Variants in HERC2 observed in about 807,000 individuals in gnomAD.
HERC2 encodes the protein HECT and RLD domain containing E3 ubiquitin protein ligase 2.
HERC2 carries 102 observed loss-of-function variants against 537.7 expected under a neutral mutation model. The ratio of observed to expected loss-of-function variants is 0.19; its 90% CI spans 0.16 to 0.22. HERC2 has a LOEUF of 0.22. HERC2 is among the 10% of genes least tolerant of loss of function. The probability of loss-of-function intolerance (pLI) is 1.00; values close to 1 mark genes in which losing one functional copy is unlikely to be tolerated. For synonymous variants in HERC2, 2,224 were observed against 2,466.2 expected (o/e 0.90, Z 2.91); for missense variants, 4,236 against 6,198.2 (o/e 0.68, Z 10.63).
Position 28,237,057 on chromosome 15 carries a change from T to C in HERC2, c.3909A>G (p.Ile1303Met). 1 of 1,601,834 alleles carries C rather than the reference T, an allele frequency of 6.2e-7. No homozygotes were observed. The highest frequency in any genetic ancestry group is 8.5e-7 in the Non-Finnish European group (1 of 1,170,574). Reference sequence around the variant, plus strand: ...GCAGGCCCAGATTCCTCTCTGTGTCTATCAGAGGTGAAGAGAGACTCCCCA... The same window carrying C: ...GCAGGCCCAGATTCCTCTCTGTGTCCATCAGAGGTGAAGAGAGACTCCCCA... ...PDLGSLSSPL[I>M]DTERNLGLLL... Residue 1303 changes from isoleucine (I) to methionine (M), a missense_variant, in exon 26 of 93, where the codon ATA becomes ATG. By Grantham distance (10) the Ile-to-Met change is conservative. Around this residue, in one of 27 missense-constraint regions of HERC2, gnomAD observed 754 missense variants for 1,085.0 expected, o/e 0.69. Coordinates refer to ENST00000261609, the MANE Select transcript of HERC2 (RefSeq NM_004667.6).
At position 28,202,406 on chromosome 15, in the gene HERC2, T is replaced by A. The variant is rs749273076; in HGVS notation, c.7421A>T (p.Asn2474Ile). 6 of 1,612,150 alleles carry A rather than the reference T, an allele frequency of 3.7e-6. No individual in the cohort carries two copies. The South Asian group carries it at 6.6e-5, about 18-fold the overall frequency. The stretch of plus-strand genomic sequence containing the variant: ...GAGAGACTTCAGGGCAAACTCGATG[T>A]TCCTTCTGGAAAATCCCATCTCCAT... ...QLMEMGFSRR[N>I]IEFALKSLTG... Residue 2474 changes from asparagine to isoleucine, a missense_variant, in exon 46 of 93, where the codon AAC becomes ATC. Around this residue, in one of 27 missense-constraint regions of HERC2, gnomAD observed 606 missense variants for 884.5 expected, o/e 0.69. Coordinates refer to ENST00000261609, the MANE Select transcript of HERC2 (RefSeq NM_004667.6).
intron 4 of HERC2, among the ~76,000 whole-genome samples, chr15:28,292,428 G>A (rs931865767): frequency 1.3e-5 from 2 of 152,128 alleles, no homozygotes; most frequent in African/African-American, 4.8e-5. Context: ...AAAAGTGTTG[G>A]TGAGGGTGTG....
intron 74 of HERC2, 77 bp from the exon 75 acceptor site, chr15:28,143,029 A>G: frequency 7.2e-7 from 1 of 1,382,606 alleles, no homozygotes; most frequent in Non-Finnish European, 1.0e-6. Context: ...CTACCGTCAA[A>G]TGTTTTATTA....
rs115886865 is a variant in HERC2, at chr15:28,188,013, T to C, written c.8650-1261A>G. ...CCTGCTCAAACCTCAAGATCTACCA[T>C]TTCAGAGGAAATACAGCTTGACCAC... On this transcript the variant is annotated intron_variant, in intron 55 of 92. Transcript: ENST00000261609. Among the ~76,000 whole-genome samples the C allele has an allele frequency of 3.4e-3, 517 of 152,224 alleles. 5 individuals carry two copies. The highest frequency in any genetic ancestry group is 0.012 in the African/African-American group (490 of 41,534).
Position 28,265,637 on chromosome 15 carries a change from G to C in HERC2, c.1851C>G (p.Thr617=). ...DVACGSGDAQ[T]LAVTENGQVW... ...ACGTACCGTTCTCAGTGACAGCCAGGGTTTGAGCATCCCCACTCCCACACG... is the reference window on the plus strand; with the variant it reads ...ACGTACCGTTCTCAGTGACAGCCAGCGTTTGAGCATCCCCACTCCCACACG... The change falls in exon 14 of 93, where the codon ACC becomes ACG. Residue 617 remains threonine, a synonymous_variant. Transcript: ENST00000261609. The surrounding 1 kb of genome is among the most constrained non-coding windows in gnomAD (Gnocchi z 4.0). 1 of 1,614,026 alleles carries C rather than the reference G, an allele frequency of 6.2e-7. No homozygotes were observed. The highest frequency in any genetic ancestry group is 1.7e-4 in the Middle Eastern group (1 of 6,024).
At chr15:28,236,728 C>G (rs1902503763) in intron 26 of HERC2, among the ~76,000 whole-genome samples, 1 of 152,112 alleles carries the variant, frequency 6.6e-6, no homozygotes, top group African/African-American at 2.4e-5. Context: ...TCTGGGACTA[C>G]AAATACGTGC....
Position 28,155,545 on chromosome 15 carries a change from G to A in HERC2, c.10747-2715C>T, listed in dbSNP as rs985241279. On this transcript the variant is annotated intron_variant, in intron 69 of 92. Coordinates refer to ENST00000261609, the MANE Select transcript of HERC2 (RefSeq NM_004667.6). ...TGATGAGCATTTTTTCATGTGTCTGGTGGCTGCATAAATGTCTTCTTTTGA... is the reference window on the plus strand; with the variant it reads ...TGATGAGCATTTTTTCATGTGTCTGATGGCTGCATAAATGTCTTCTTTTGA... Among the ~76,000 whole-genome samples the A allele has an allele frequency of 1.6e-4, 24 of 151,668 alleles. 1 individual carries two copies. The highest frequency in any genetic ancestry group is 1.5e-3 in the Admixed American group (23 of 15,288).
chr15:28,153,331 T>G (rs1337670454), intron 69 of HERC2, among the ~76,000 whole-genome samples: 1 of 149,258 alleles, frequency 6.7e-6, no homozygotes, highest in Non-Finnish European at 1.5e-5. Flanking sequence ...CCAGCCTGGG[T>G]GACCCGAGCG....
At chr15:28,194,910 G>C (rs2140293213) in intron 52 of HERC2, among the ~76,000 whole-genome samples, 1 of 152,064 alleles carries the variant, frequency 6.6e-6, no homozygotes, top group East Asian at 1.9e-4. Flanking sequence ...ACAAAAATTA[G>C]CCAGGCATGG....
Position 28,229,801 on chromosome 15 carries a change from T to C in HERC2, c.4856A>G (p.Tyr1619Cys). 6.9e-7 allele frequency: 1 copy of C among 1,444,748 alleles called. No individual in the cohort carries two copies. The highest frequency in any genetic ancestry group is 9.7e-7 in the Non-Finnish European group (1 of 1,027,566). The allele number at this position is 1,444,748 out of a possible 1,614,324, so 89.5% of individuals were successfully genotyped here. The change falls in exon 32 of 93, where the codon TAC becomes TGC. Residue 1619 changes from tyrosine (Y) to cysteine (C), a missense_variant. Physicochemically the swap from Tyr to Cys is radical, Grantham distance 194 (BLOSUM62 -2). Transcript: ENST00000261609. The stretch of plus-strand genomic sequence containing the variant: ...CTGCACATTCTGCTTCAACCACTTG[T>C]ATTTGTGAACACCTGTAACAGTACT... ...LLSTVTGVHK[Y>C]KWLKQNVQGL...
intron 56 of HERC2, among the ~76,000 whole-genome samples, chr15:28,183,639 G>C (rs1292843422): frequency 6.6e-6 from 1 of 152,230 alleles, no homozygotes; most frequent in Non-Finnish European, 1.5e-5. Flanking sequence ...TGCTGCTTCT[G>C]TGTTTGGGGT....
rs1343130604 is a variant in HERC2, at chr15:28,265,392, A to G, written c.1870+226T>C. Among the ~76,000 whole-genome samples the G allele has an allele frequency of 6.6e-6, 1 of 152,184 alleles. No individual in the cohort carries two copies. The highest frequency in any genetic ancestry group is 1.5e-5 in the Non-Finnish European group (1 of 68,030). On this transcript the variant is annotated intron_variant, in intron 14 of 92. Coordinates refer to ENST00000261609, the MANE Select transcript of HERC2 (RefSeq NM_004667.6). This position sits in a 1 kb window ranked among gnomAD's most constrained non-coding sequence, Gnocchi z 4.0. ...ATTTCAACTCTCATTCTTAAAAAAT[A>G]AAATGCCCACACAGGAACGGCGGCA...
rs142950889 is a variant in HERC2, at chr15:28,248,653, C to T, written c.3134G>A (p.Arg1045His). The stretch of plus-strand genomic sequence containing the variant: ...CAAATCCAATGAAGCAGATCTTTCA[C>T]GACTGTGTTGCTCAAAGTCCAGACA... ...SSCLDFEQHS[R>H]ERSASLDLLL... is the part of the protein sequence containing the mutation. Residue 1045 changes from arginine (R) to histidine (H), a missense_variant, in exon 21 of 93, where the codon CGT becomes CAT. Coordinates refer to ENST00000261609, the MANE Select transcript of HERC2 (RefSeq NM_004667.6). The T allele has an allele frequency of 3.7e-6, 6 of 1,613,662 alleles. No individual in the cohort carries two copies. Among genetic ancestry groups the T allele is most frequent in the African/African-American group, 1.3e-5 (1 of 74,924 alleles).
chr15:28,161,185 A>C (rs1414471738), intron 69 of HERC2, among the ~76,000 whole-genome samples: 2 of 152,222 alleles, frequency 1.3e-5, no homozygotes, highest in Non-Finnish European at 2.9e-5. Flanking sequence ...AAGTTACTAA[A>C]ATTTCTGACC....
intron 34 of HERC2, 43 bp from the exon 35 acceptor site, chr15:28,228,452 C>T: frequency 6.4e-7 from 1 of 1,574,090 alleles, no homozygotes; most frequent in Non-Finnish European, 8.7e-7. Context: ...GTGATGGATA[C>T]AAGAATAAAC....
chr15:28,276,044 AGGTGTGGTGACG>A (rs2075862658), intron 5 of HERC2, among the ~76,000 whole-genome samples: 1 of 151,730 alleles, frequency 6.6e-6, no homozygotes, highest in Middle Eastern at 3.5e-3. Context: ...AAAATTAGCC[AGGTGTGGTGACG>A]GGTGCCTGTA....
rs770688775 is a variant in HERC2, at chr15:28,141,831, G to C, written c.11716C>G (p.Arg3906Gly). 3.7e-6 allele frequency: 6 copies of C among 1,613,530 alleles called. No individual in the cohort carries two copies. Among genetic ancestry groups the C allele is most frequent in the Middle Eastern group, 3.3e-4 (2 of 6,062 alleles). ...TTTTCGCTGTCTGCCATTAATTCAC[G>C]AATTTTCTTAGCCACCTAAACAAAA... is the stretch of plus-strand genomic sequence containing the variant. ...LFLDEVAKKIRELMADSENMD... is the reference protein window; with the variant it reads ...LFLDEVAKKIGELMADSENMD... The change falls in exon 77 of 93, where the codon CGT (arginine) becomes GGT (glycine). Residue 3906 changes from arginine (R) to glycine (G), a missense_variant. Around this residue, in one of 27 missense-constraint regions of HERC2, gnomAD observed 156 missense variants for 172.3 expected, o/e 0.91. Coordinates refer to ENST00000261609, the MANE Select transcript of HERC2 (RefSeq NM_004667.6).
chr15:28,313,515 T>C (rs1313927429), intron 2 of HERC2, among the ~76,000 whole-genome samples: 1 of 152,126 alleles, frequency 6.6e-6, no homozygotes, highest in Non-Finnish European at 1.5e-5. Flanking sequence ...AGTCAGGCAA[T>C]AAAATCCAAA....
intron 10 of HERC2, among the ~76,000 whole-genome samples, chr15:28,269,972 G>T (rs2075672935): frequency 6.6e-6 from 1 of 152,190 alleles, no homozygotes; most frequent in Non-Finnish European, 1.5e-5. Flanking sequence ...TGTTGTTGTT[G>T]TTTGTTGAGA....
Sources: allele counts gnomAD v4.1 joint callset (sites outside exome capture counted in the v4.1 genomes callset), GRCh38; gene constraint gnomAD v4.1.1; regional missense constraint gnomAD v4.1.1; non-coding constraint Gnocchi (gnomAD v3.1); transcripts MANE v1.5; gene names NCBI Gene and HGNC (gene_info 2026-07-23, HGNC 2026-07-21).